Variants in FAF1 observed in about 807,000 individuals in gnomAD.
FAF1 encodes the protein FAS-associated factor 1.
In FAF1, 25 loss-of-function variants were observed where a neutral mutation model predicts 92.5. That is an observed-to-expected ratio of 0.27 (90% CI 0.20 to 0.38). FAF1 has a LOEUF of 0.38. Ranked by LOEUF, FAF1 falls within the 10% of genes least tolerant of loss-of-function variation. FAF1 has a pLI of 1.00. For synonymous variants in FAF1, 234 were observed against 273.2 expected (o/e 0.86, Z 1.42); for missense variants, 636 against 793.3 (o/e 0.80, Z 2.38).
chr1:50,471,596 C>T (rs1646573040), intron 18 of FAF1, among the ~76,000 whole-genome samples: 1 of 152,120 alleles, frequency 6.6e-6, no homozygotes, highest in African/African-American at 2.4e-5. Context: ...CAGTTTATTC[C>T]TGAATGCATG....
chr1:50,712,952 A>G (rs1658000274), intron 6 of FAF1, among the ~76,000 whole-genome samples: 1 of 151,944 alleles, frequency 6.6e-6, no homozygotes, highest in African/African-American at 2.4e-5. Flanking sequence ...ACTTGAACCC[A>G]GGAGTTCTAG....
chr1:50,671,222 C>G (rs140439508), intron 7 of FAF1, among the ~76,000 whole-genome samples: 1 of 151,886 alleles, frequency 6.6e-6, no homozygotes, highest in African/African-American at 2.4e-5. Context: ...CTGGCCAACA[C>G]TGTGAAACCT....
At chr1:50,826,550 CAA>C (rs551210493) in intron 2 of FAF1, among the ~76,000 whole-genome samples, 11 of 80,198 alleles carry the variant, frequency 1.4e-4, no homozygotes, top group Non-Finnish European at 1.1e-4. Context: ...GACTCCGTCT[CAA>C]AAAAAAAAAA....
chr1:50,512,277 C>A (rs1053402053), intron 15 of FAF1, among the ~76,000 whole-genome samples: 1 of 152,148 alleles, frequency 6.6e-6, no homozygotes, highest in Non-Finnish European at 1.5e-5. Flanking sequence ...GCTTTTGTTG[C>A]CATTGCTTTT....
At chr1:50,529,584 T>C (rs917039439) in intron 15 of FAF1, among the ~76,000 whole-genome samples, 1 of 152,180 alleles carries the variant, frequency 6.6e-6, no homozygotes, top group Non-Finnish European at 1.5e-5. Context: ...GGAATCACAC[T>C]GAGAAACATT....
At chr1:50,914,260 C>T (rs1644905596) in intron 1 of FAF1, among the ~76,000 whole-genome samples, 1 of 152,162 alleles carries the variant, frequency 6.6e-6, no homozygotes, top group South Asian at 2.1e-4. Flanking sequence ...CTTCTCCATT[C>T]ATCAAATACA....
chr1:50,668,664 A>G (rs12759925), intron 7 of FAF1, among the ~76,000 whole-genome samples: 10,109 of 152,276 alleles, frequency 0.066, 473 homozygotes, highest in Non-Finnish European at 0.1. Flanking sequence ...CCAAACCCTA[A>G]GGACTGATGC....
At chr1:50,772,594 C>A (rs1209838681) in intron 4 of FAF1, among the ~76,000 whole-genome samples, 2 of 152,138 alleles carry the variant, frequency 1.3e-5, no homozygotes, top group Non-Finnish European at 1.5e-5. Flanking sequence ...CGAACTAACA[C>A]AGGAACAGAA....
intron 15 of FAF1, among the ~76,000 whole-genome samples, chr1:50,494,056 C>T (rs1008948048): frequency 6.6e-6 from 1 of 152,236 alleles, no homozygotes; most frequent in African/African-American, 2.4e-5. Context: ...TCTGACCATC[C>T]TGACAGATGG....
chr1:50,738,630 A>G (rs1379702827), intron 6 of FAF1, among the ~76,000 whole-genome samples: 2 of 152,126 alleles, frequency 1.3e-5, no homozygotes, highest in Non-Finnish European at 2.9e-5. Flanking sequence ...GACAATTTTT[A>G]AAAATTATAC....
chr1:50,536,936 A>C (rs1264326771), intron 14 of FAF1, among the ~76,000 whole-genome samples: 1 of 152,158 alleles, frequency 6.6e-6, no homozygotes, highest in Non-Finnish European at 1.5e-5. Context: ...ATATTAATAG[A>C]TATGACAGAT....
At chr1:50,893,575 G>A (rs1644736035) in intron 1 of FAF1, among the ~76,000 whole-genome samples, 1 of 152,138 alleles carries the variant, frequency 6.6e-6, no homozygotes, top group African/African-American at 2.4e-5. Flanking sequence ...GTTGCTTGGA[G>A]CTGGGGGTGG....
At chr1:50,467,126 TC>T (rs1646507323) in intron 18 of FAF1, among the ~76,000 whole-genome samples, 1 of 152,098 alleles carries the variant, frequency 6.6e-6, no homozygotes, top group African/African-American at 2.4e-5. Context: ...CATGACTTAT[TC>T]CTTGGCACTA....
chr1:50,444,757 A>G lies in FAF1; in HGVS notation c.1870-3234T>C, dbSNP rs75291690. Among the ~76,000 whole-genome samples, 57 of 152,292 alleles carry G rather than the reference A, an allele frequency of 3.7e-4. 1 individual carries two copies. In the East Asian group the frequency reaches 9.1e-3, roughly 24 times the overall value. Reference sequence around the variant, plus strand: ...CTAGACCTCACAACAGCTCAGTGAAATAGGTACGATTCTTTCCATTTTATG... The same window carrying G: ...CTAGACCTCACAACAGCTCAGTGAAGTAGGTACGATTCTTTCCATTTTATG... On this transcript the variant is annotated intron_variant, in intron 18 of 18. Transcript: ENST00000396153.
At chr1:50,790,597 T>G (rs1452085141) in intron 3 of FAF1, among the ~76,000 whole-genome samples, 2 of 152,086 alleles carry the variant, frequency 1.3e-5, no homozygotes, top group Non-Finnish European at 2.9e-5. Context: ...CCACTTCTTT[T>G]TTTTTTTAAC....
chr1:50,909,970 G>T (rs1249546658), intron 1 of FAF1, among the ~76,000 whole-genome samples: 1 of 152,172 alleles, frequency 6.6e-6, no homozygotes, highest in East Asian at 1.9e-4. Context: ...CTGATTTTTA[G>T]AATTTTCAGC....
intron 6 of FAF1, among the ~76,000 whole-genome samples, chr1:50,722,313 C>T (rs972694645): frequency 1.3e-5 from 2 of 152,154 alleles, no homozygotes; most frequent in Admixed American, 1.3e-4. Context: ...TGGTTAAAAA[C>T]TCACCTCTAG....
At chr1:50,788,325 G>A (rs1661438277) in intron 3 of FAF1, 120 bp from the exon 4 acceptor site, 6 of 784,210 alleles carry the variant, frequency 7.7e-6, no homozygotes, top group East Asian at 5.3e-5. Flanking sequence ...ACCTACATGT[G>A]TGTCAAGGCC....
chr1:50,540,945 C>G (rs1648731680), intron 13 of FAF1, among the ~76,000 whole-genome samples: 2 of 152,108 alleles, frequency 1.3e-5, no homozygotes, highest in African/African-American at 4.8e-5. Flanking sequence ...TTTCTTATGC[C>G]TTATGATAAT....
Sources: gnomAD v4.1 joint callset for allele counts (sites outside exome capture counted in the v4.1 genomes callset) on GRCh38, gnomAD v4.1.1 for gene constraint, MANE v1.5 for transcripts, NCBI Gene and HGNC (gene_info 2026-07-23, HGNC 2026-07-21) for gene names.